ABCC5: variants seen among roughly 807,000 people sequenced by gnomAD.
The protein encoded by ABCC5 is ATP binding cassette subfamily C member 5, also known as ATP-binding cassette sub-family C member 5.
A neutral mutation model predicts 160.9 loss-of-function variants in ABCC5; 61 were observed. That is an observed-to-expected ratio of 0.38 (90% CI 0.31 to 0.47). The LOEUF (loss-of-function observed/expected upper bound fraction) is 0.47. Among genes scored for constraint, ABCC5 ranks in the 20% least tolerant of loss-of-function variants. The pLI is 0.99. For synonymous variants in ABCC5, 666 were observed against 700.6 expected (o/e 0.95, Z 0.78); for missense variants, 1,308 against 1,813.3 (o/e 0.72, Z 5.06).
chr3:183,942,230 G>T (rs558621795), intron 25 of ABCC5, among the ~76,000 whole-genome samples: 113 of 151,900 alleles, frequency 7.4e-4, no homozygotes, highest in Non-Finnish European at 1.3e-3. Flanking sequence ...GTAGAGACGG[G>T]GTTTCACCAT....
intron 26 of ABCC5, among the ~76,000 whole-genome samples, chr3:183,936,234 A>C (rs145957549): frequency 2.9e-4 from 44 of 152,254 alleles, no homozygotes; most frequent in African/African-American, 1.0e-3. Context: ...TCTGCAAACC[A>C]GGAAGACGGC....
Position 183,928,869 on chromosome 3 carries a change from G to A in ABCC5, c.3855-44C>T, listed in dbSNP as rs535684764. 9 of 1,535,436 alleles carry A rather than the reference G, an allele frequency of 5.9e-6. No individual in the cohort carries two copies. In the African/African-American group the frequency reaches 6.8e-5, roughly 12 times the overall value. ...ATTTCTCAGTGGTCCCACCCTAAGC[G>A]ACCCATTGGCAAAGGCTGTCTGTGG... On this transcript the variant is annotated intron_variant, in intron 26 of 29. Transcript: ENST00000334444.
chr3:184,009,935 A>C, intron 2 of ABCC5: 1 of 427,528 alleles, frequency 2.3e-6, no homozygotes, highest in Non-Finnish European at 4.8e-6. Flanking sequence ...GCTTGCTTGA[A>C]GCTGGGAGTT....
rs1426581214 is a variant in ABCC5, at chr3:183,963,995, C to T, written c.2032-407G>A. 6.6e-6 allele frequency among the ~76,000 whole-genome samples: 1 copy of T among 152,202 alleles called. No individual in the cohort carries two copies. The highest frequency in any genetic ancestry group is 1.5e-5 in the Non-Finnish European group (1 of 68,042). On this transcript the variant is annotated intron_variant, in intron 14 of 29. Coordinates refer to ENST00000334444, the MANE Select transcript of ABCC5 (RefSeq NM_005688.4). The surrounding 1 kb of genome is among the most constrained non-coding windows in gnomAD (Gnocchi z 4.6). The stretch of plus-strand genomic sequence containing the variant: ...ATCCAAACATGGCATACAAACCAGA[C>T]CCTTTGTCACCCAGTTCCCCAGCAG...
intron 17 of ABCC5, among the ~76,000 whole-genome samples, chr3:183,954,740 T>C (rs1465678837): frequency 1.3e-5 from 2 of 152,026 alleles, no homozygotes; most frequent in Non-Finnish European, 2.9e-5. Context: ...TCTCAATCAA[T>C]TTAGGAGTTA....
At position 183,951,579 on chromosome 3, in the gene ABCC5, C is replaced by G. The variant is rs149920653; in HGVS notation, c.2815-9G>C. The G allele has an allele frequency of 6.2e-6, 10 of 1,613,566 alleles. No individual in the cohort carries two copies. Among genetic ancestry groups the G allele is most frequent in the Admixed American group, 3.3e-5 (2 of 59,996 alleles). On this transcript the variant is annotated splice_polypyrimidine_tract_variant and intron_variant, in intron 19 of 29. Transcript: ENST00000334444. The surrounding 1 kb of genome is among the most constrained non-coding windows in gnomAD (Gnocchi z 4.7). ...GAAGCTCGCAGCGTGCCCTGAGGAGCAGAGCACAGAGTGGTCAGGGCCCAG... is the reference window on the plus strand; with the variant it reads ...GAAGCTCGCAGCGTGCCCTGAGGAGGAGAGCACAGAGTGGTCAGGGCCCAG...
intron 2 of ABCC5, among the ~76,000 whole-genome samples, chr3:184,007,826 CAAAAACAAAAAACA>C (rs767964410): frequency 4.6e-5 from 7 of 152,044 alleles, no homozygotes; most frequent in African/African-American, 1.7e-4. Flanking sequence ...GACTCTACCT[CAAAAACAAAAAACA>C]AAAAACAAAA....
At chr3:183,979,272 G>A (rs868355130) in intron 8 of ABCC5, among the ~76,000 whole-genome samples, 6 of 151,616 alleles carry the variant, frequency 4.0e-5, no homozygotes, top group Admixed American at 1.3e-4. Context: ...CTGAACCTGG[G>A]AGGTGGAAGT....
intron 10 of ABCC5, among the ~76,000 whole-genome samples, chr3:183,973,968 A>G (rs1717994274): frequency 6.6e-6 from 1 of 151,680 alleles, no homozygotes; most frequent in African/African-American, 2.4e-5. Flanking sequence ...TTTCCTTCCT[A>G]CTCCCCGCAG....
intron 11 of ABCC5, among the ~76,000 whole-genome samples, chr3:183,970,731 C>T (rs1208007288): frequency 2.0e-5 from 3 of 152,158 alleles, no homozygotes; most frequent in Non-Finnish European, 4.4e-5. Context: ...GCCACCATGC[C>T]CAGCCTCTGT....
rs367550851 is a variant in ABCC5 at position 183,982,315 on chromosome 3, G to T, written c.999+136C>A. The T allele has an allele frequency of 2.1e-6, 2 of 963,110 alleles. No individual in the cohort carries two copies. Among genetic ancestry groups the T allele is most frequent in the East Asian group, 2.6e-5 (1 of 37,972 alleles). The allele number at this position is 963,110 out of a possible 1,614,324, so 59.7% of individuals were successfully genotyped here. ...CTGTCCCTATAGAGCAAGCACTATC[G>T]AGCTCTAGATTGAACCTGCTTTGAG... On this transcript the variant is annotated intron_variant, in intron 7 of 29. Transcript: ENST00000334444. This position sits in a 1 kb window ranked among gnomAD's most constrained non-coding sequence, Gnocchi z 5.2.
chr3:183,977,069 G>A (rs1032271633), intron 10 of ABCC5, among the ~76,000 whole-genome samples: 5 of 152,160 alleles, frequency 3.3e-5, no homozygotes, highest in Admixed American at 1.3e-4. Flanking sequence ...TCCCTGCATC[G>A]TGAGTAGCAC....
intron 17 of ABCC5, among the ~76,000 whole-genome samples, chr3:183,958,863 G>A (rs939310962): frequency 6.6e-6 from 1 of 152,024 alleles, no homozygotes; most frequent in African/African-American, 2.4e-5. Context: ...GCCTCCCAAA[G>A]TACTGGGACT....
intron 24 of ABCC5, among the ~76,000 whole-genome samples, chr3:183,944,481 T>G (rs1286345226): frequency 6.7e-6 from 1 of 148,916 alleles, no homozygotes; most frequent in East Asian, 2.2e-4. Context: ...AGTCAAGTGT[T>G]GGGAACTCAG....
chr3:183,942,924 G>A lies in ABCC5; in HGVS notation c.3505-8C>T, dbSNP rs1329058548. 1.2e-6 allele frequency: 2 copies of A among 1,606,424 alleles called. No homozygotes were observed. The highest frequency in any genetic ancestry group is 1.7e-5 in the Admixed American group (1 of 59,242). On this transcript the variant is annotated splice_region_variant and splice_polypyrimidine_tract_variant and intron_variant, in intron 24 of 29. Coordinates refer to ENST00000334444, the MANE Select transcript of ABCC5 (RefSeq NM_005688.4). Reference sequence around the variant, plus strand: ...TGCTTCCAAGGACAGAGTCTGGGGAGACAAGGGTGGCCAGTTCAGACTGAC... The same window carrying A: ...TGCTTCCAAGGACAGAGTCTGGGGAAACAAGGGTGGCCAGTTCAGACTGAC...
Position 183,921,179 on chromosome 3 carries a change from T to C in ABCC5, c.*121A>G. 1.7e-6 allele frequency: 1 copy of C among 581,836 alleles called. No homozygotes were observed. The highest frequency in any genetic ancestry group is 2.5e-5 in the South Asian group (1 of 39,778). 36.0% of individuals were successfully genotyped at this position (581,836 alleles called of 1,614,324 possible). On this transcript the variant is annotated 3_prime_UTR_variant, in exon 30 of 30. Transcript: ENST00000334444. The surrounding 1 kb of genome is among the most constrained non-coding windows in gnomAD (Gnocchi z 4.1). ...TGAAACACACAAGCCAATCCGGAAC[T>C]GCTGTGCGAAAGATAAAATCGAGAA...
At chr3:184,015,878 C>G (rs1722149910) in intron 1 of ABCC5, among the ~76,000 whole-genome samples, 1 of 152,188 alleles carries the variant, frequency 6.6e-6, no homozygotes, top group Non-Finnish European at 1.5e-5. Flanking sequence ...TTACGGGAAT[C>G]ACGAAATTCT....
At chr3:183,961,923 G>C (rs1265339611) in intron 15 of ABCC5, among the ~76,000 whole-genome samples, 1 of 152,166 alleles carries the variant, frequency 6.6e-6, no homozygotes, top group Admixed American at 6.5e-5. Context: ...GGGACTACAG[G>C]CATGCAGCAC....
chr3:183,942,999 G>C, intron 24 of ABCC5, 83 bp from the exon 25 acceptor site: 1 of 1,416,308 alleles, frequency 7.1e-7, no homozygotes, highest in Non-Finnish European at 9.6e-7. Flanking sequence ...ATAAAACCAG[G>C]ACAACCATAG....
Sources: gnomAD v4.1 joint callset for allele counts (sites outside exome capture counted in the v4.1 genomes callset) on GRCh38, gnomAD v4.1.1 for gene constraint, Gnocchi (gnomAD v3.1) non-coding constraint, MANE v1.5 for transcripts, NCBI Gene and HGNC (gene_info 2026-07-23, HGNC 2026-07-21) for gene names.